Variants in DYNC2H1 observed in about 807,000 individuals in gnomAD.
The protein encoded by DYNC2H1 is dynein cytoplasmic 2 heavy chain 1.
In DYNC2H1, 410 loss-of-function variants were observed where a neutral mutation model predicts 570.0. The observed-to-expected ratio is 0.72, with a 90% CI of 0.66 to 0.78. DYNC2H1 has a LOEUF of 0.78. Ranked by LOEUF, DYNC2H1 falls within the 30% of genes least tolerant of loss-of-function variation. The pLI is 0.00. For synonymous variants in DYNC2H1, 1,688 were observed against 1,677.6 expected (o/e 1.01, Z -0.15); for missense variants, 4,865 against 5,046.4 (o/e 0.96, Z 1.09).
At chr11:103,213,473 G>A (rs1284840370) in intron 54 of DYNC2H1, among the ~76,000 whole-genome samples, 1 of 151,210 alleles carries the variant, frequency 6.6e-6, no homozygotes, top group Non-Finnish European at 1.5e-5. Flanking sequence ...TAAGTCTTAT[G>A]GATTTATTTT....
intron 84 of DYNC2H1, among the ~76,000 whole-genome samples, chr11:103,434,100 G>A (rs1355425532): frequency 1.3e-5 from 2 of 152,058 alleles, no homozygotes; most frequent in African/African-American, 2.4e-5. Context: ...TCAATAAGAT[G>A]TAGCTCATGT....
chr11:103,251,893 T>G (rs1864844840), intron 65 of DYNC2H1, among the ~76,000 whole-genome samples: 1 of 152,092 alleles, frequency 6.6e-6, no homozygotes, highest in Admixed American at 6.6e-5. Context: ...ATGTGGGTGT[T>G]TGTGTATACA....
At chr11:103,223,364 G>C (rs1268459713) in intron 59 of DYNC2H1, among the ~76,000 whole-genome samples, 2 of 152,012 alleles carry the variant, frequency 1.3e-5, no homozygotes, top group Non-Finnish European at 2.9e-5. Context: ...GTTTCATAAA[G>C]GAATTTTTTT....
chr11:103,285,861 C>T (rs1422209519), intron 73 of DYNC2H1, among the ~76,000 whole-genome samples: 1 of 152,154 alleles, frequency 6.6e-6, no homozygotes, highest in Non-Finnish European at 1.5e-5. Context: ...TCAGAGGAGC[C>T]TGACCGAAGT....
At position 103,453,213 on chromosome 11, in the gene DYNC2H1, G is replaced by A. The variant is rs1052718297; in HGVS notation, c.12457-1973G>A. On this transcript the variant is annotated intron_variant, in intron 85 of 88. Coordinates refer to ENST00000375735, the MANE Select transcript of DYNC2H1 (RefSeq NM_001377.3). ...TAAAAGGGGCATAGCCCATAACTTA[G>A]AGTGAAGTAAAGAACATTTATGAAA... Among the ~76,000 whole-genome samples the A allele has an allele frequency of 2.0e-5, 3 of 152,024 alleles. No individual in the cohort carries two copies. In the East Asian group the frequency reaches 5.8e-4, roughly 29 times the overall value.
At chr11:103,115,065 G>A (rs1858309120) in intron 3 of DYNC2H1, 112 bp from the exon 4 acceptor site, 1 of 645,754 alleles carries the variant, frequency 1.5e-6, no homozygotes, top group Admixed American at 2.8e-5. Context: ...TTTGACCTCA[G>A]CTAGGAGCAT....
chr11:103,459,062 C>T (rs999374380), intron 87 of DYNC2H1, among the ~76,000 whole-genome samples: 1 of 151,674 alleles, frequency 6.6e-6, no homozygotes, highest in Non-Finnish European at 1.5e-5. Context: ...GTAATCCCAG[C>T]ACTTTGGGAG....
intron 85 of DYNC2H1, among the ~76,000 whole-genome samples, chr11:103,441,343 A>G (rs1487489837): frequency 1.3e-5 from 2 of 150,272 alleles, no homozygotes; most frequent in East Asian, 4.0e-4. Flanking sequence ...CCTGTTTCGA[A>G]TGTAACCCCC....
At chr11:103,459,321 A>C (rs1484343901) in intron 87 of DYNC2H1, among the ~76,000 whole-genome samples, 3 of 148,384 alleles carry the variant, frequency 2.0e-5, no homozygotes, top group Non-Finnish European at 3.0e-5. Context: ...AAAAAAAAAA[A>C]AAAAAAAAAA....
intron 82 of DYNC2H1, among the ~76,000 whole-genome samples, chr11:103,357,867 T>C (rs1330188507): frequency 6.6e-6 from 1 of 152,204 alleles, no homozygotes; most frequent in Non-Finnish European, 1.5e-5. Flanking sequence ...GGAGGATCGC[T>C]TGAGCCCAGG....
chr11:103,264,883 A>T lies in DYNC2H1; in HGVS notation c.10695+4906A>T, dbSNP rs139833004. On this transcript the variant is annotated intron_variant, in intron 70 of 88. Transcript: ENST00000375735. This position sits in a 1 kb window ranked among gnomAD's most constrained non-coding sequence, Gnocchi z 4.8. ...GTTCTGGCCAGGGCAAAGTGGCAAG[A>T]GAAAGAAATAAAGGGTATTCAGATA... Among the ~76,000 whole-genome samples the T allele has an allele frequency of 0.056, 8,503 of 152,284 alleles. 316 individuals carry two copies. The highest frequency in any genetic ancestry group is 0.13 in the Middle Eastern group (37 of 294).
At chr11:103,331,432 T>C (rs1169471273) in intron 82 of DYNC2H1, among the ~76,000 whole-genome samples, 3 of 152,164 alleles carry the variant, frequency 2.0e-5, no homozygotes, top group Non-Finnish European at 4.4e-5. Flanking sequence ...AAGGAATCTG[T>C]AGACCCCTGC....
intron 75 of DYNC2H1, among the ~76,000 whole-genome samples, chr11:103,302,737 G>A (rs1213812094): frequency 6.6e-6 from 1 of 152,004 alleles, no homozygotes; most frequent in African/African-American, 2.4e-5. Context: ...ATTGATGGTT[G>A]GGTTCAGTCT....
chr11:103,342,113 C>T (rs1325287379), intron 82 of DYNC2H1, among the ~76,000 whole-genome samples: 1 of 152,086 alleles, frequency 6.6e-6, no homozygotes, highest in Non-Finnish European at 1.5e-5. Context: ...GAGGTGAAGC[C>T]AGCTGGACTT....
At chr11:103,381,726 C>T (rs1276109116) in intron 83 of DYNC2H1, among the ~76,000 whole-genome samples, 1 of 152,224 alleles carries the variant, frequency 6.6e-6, no homozygotes, top group African/African-American at 2.4e-5. Flanking sequence ...GGATTACAGG[C>T]GTGAGCCACC....
chr11:103,278,810 G>A (rs12295144), intron 70 of DYNC2H1, among the ~76,000 whole-genome samples: 11,663 of 151,948 alleles, frequency 0.077, 1,454 homozygotes, highest in African/African-American at 0.26. Context: ...CAGGTGATCC[G>A]CCTGCCTTGG....
chr11:103,185,103 C>G lies in DYNC2H1; in HGVS notation c.6633+52C>G, dbSNP rs1862015540. The G allele has an allele frequency of 1.3e-6, 2 of 1,514,574 alleles. No homozygotes were observed. The highest frequency in any genetic ancestry group is 1.8e-6 in the Non-Finnish European group (2 of 1,113,168). The allele number at this position is 1,514,574 out of a possible 1,614,324, so 93.8% of individuals were successfully genotyped here. A position where few individuals can be genotyped will look rare whatever the true frequency, so the allele number is the denominator to read the frequency against. On this transcript the variant is annotated intron_variant, in intron 41 of 88. Transcript: ENST00000375735. This position sits in a 1 kb window ranked among gnomAD's most constrained non-coding sequence, Gnocchi z 4.5. Reference sequence around the variant, plus strand: ...AGTCAAAACTTTAACTTTTCATTAACTCTTAACTGCCAAAACACAATGATT... The same window carrying G: ...AGTCAAAACTTTAACTTTTCATTAAGTCTTAACTGCCAAAACACAATGATT...
chr11:103,267,937 T>C (rs953605567), intron 70 of DYNC2H1, among the ~76,000 whole-genome samples: 2 of 152,074 alleles, frequency 1.3e-5, no homozygotes, highest in Non-Finnish European at 2.9e-5. Flanking sequence ...TTATTTTTAG[T>C]GACTGTGTGC....
chr11:103,153,260 AT>A (rs1860654024), intron 21 of DYNC2H1, 42 bp from the exon 22 acceptor site: 2 of 1,466,752 alleles, frequency 1.4e-6, no homozygotes, highest in Non-Finnish European at 1.8e-6. Flanking sequence ...CCAAAATGAA[AT>A]TTTACTCTGC....
Sources: gnomAD v4.1 joint callset for allele counts (sites outside exome capture counted in the v4.1 genomes callset) on GRCh38, gnomAD v4.1.1 for gene constraint, Gnocchi (gnomAD v3.1) non-coding constraint, MANE v1.5 for transcripts, NCBI Gene and HGNC (gene_info 2026-07-23, HGNC 2026-07-21) for gene names.